The following CFAP77 variants were observed in gnomAD, a reference collection of about 807,000 sequenced individuals.
CFAP77 encodes the protein cilia- and flagella-associated protein 77.
CFAP77 carries 25 observed loss-of-function variants against 31.1 expected under a neutral mutation model. That is an observed-to-expected ratio of 0.80 (90% CI 0.59 to 1.12). The LOEUF is 1.12. Among genes scored for constraint, CFAP77 ranks in the 50% most tolerant of loss-of-function variants. CFAP77 has a pLI of 0.00. For missense variants in CFAP77, 377 were observed against 397.3 expected, an observed-to-expected ratio of 0.95 and a Z score of 0.44; for synonymous variants, 151 against 159.9, an observed-to-expected ratio of 0.94 and a Z score of 0.42.
chr9:132,475,201 T>C (rs1305983314), intron 1 of CFAP77, among the ~76,000 whole-genome samples: 1 of 152,198 alleles, frequency 6.6e-6, no homozygotes, highest in Non-Finnish European at 1.5e-5. Flanking sequence ...TTCCAGCAAA[T>C]GTGAGGCCCT....
intron 1 of CFAP77, among the ~76,000 whole-genome samples, chr9:132,491,856 TG>T (rs1360086203): frequency 2.0e-5 from 3 of 152,240 alleles, no homozygotes; most frequent in Non-Finnish European, 4.4e-5. Flanking sequence ...TATTAGCTTA[TG>T]GGAAAATTGG....
rs1268010117 is a variant in CFAP77 at position 132,494,559 on chromosome 9, G to A, written c.196-4136G>A. On this transcript the variant is annotated intron_variant, in intron 1 of 5. Coordinates refer to ENST00000393216, the MANE Select transcript of CFAP77 (RefSeq NM_001282957.2). ...AGCTGCTATGTGCATCCTTAGACAT[G>A]TTCTTGGGTGGATGTACACATTCAT... Among the ~76,000 whole-genome samples, 3 of 152,210 alleles carry A rather than the reference G, an allele frequency of 2.0e-5. No individual in the cohort carries two copies. In the East Asian group the frequency reaches 5.8e-4, roughly 29 times the overall value.
At chr9:132,418,466 A>G (rs7041015) in intron 1 of CFAP77, among the ~76,000 whole-genome samples, 90,909 of 152,164 alleles carry the variant, frequency 0.6, 32,576 homozygotes, top group Non-Finnish European at 0.8. Flanking sequence ...CTTGTAACCT[A>G]ATGCAAAGAC....
At chr9:132,425,625 A>G (rs1173733777) in intron 1 of CFAP77, among the ~76,000 whole-genome samples, 3 of 152,018 alleles carry the variant, frequency 2.0e-5, no homozygotes, top group African/African-American at 7.3e-5. Flanking sequence ...TCTTGTCACT[A>G]ACTAGGCGCC....
rs532184649 is a variant in CFAP77 at position 132,501,357 on chromosome 9, T to C, written c.524+1757T>C. On this transcript the variant is annotated intron_variant, in intron 3 of 5. Coordinates refer to ENST00000393216, the MANE Select transcript of CFAP77 (RefSeq NM_001282957.2). The surrounding 1 kb of genome is among the most constrained non-coding windows in gnomAD (Gnocchi z 4.6). Reference sequence around the variant, plus strand: ...AAGGGCGTTGGTGCTACAGACACCTTGAGTTCAAGACTCTTTGGGCCAGCT... The same window carrying C: ...AAGGGCGTTGGTGCTACAGACACCTCGAGTTCAAGACTCTTTGGGCCAGCT... Among the ~76,000 whole-genome samples the C allele has an allele frequency of 2.6e-5, 4 of 152,212 alleles. No individual in the cohort carries two copies. Among genetic ancestry groups the C allele is most frequent in the Admixed American group, 2.0e-4 (3 of 15,288 alleles).
intron 1 of CFAP77, among the ~76,000 whole-genome samples, chr9:132,489,865 G>A (rs538807148): frequency 1.3e-5 from 2 of 152,260 alleles, no homozygotes; most frequent in South Asian, 2.1e-4. Flanking sequence ...ATTTGGGACC[G>A]AGTCTCGTCA....
chr9:132,438,537 A>ATT, intron 1 of CFAP77, among the ~76,000 whole-genome samples: 1 of 116,208 alleles, frequency 8.6e-6, no homozygotes, highest in Non-Finnish European at 1.7e-5. Flanking sequence ...ATATATATAT[A>ATT]TATATTTTTT....
intron 5 of CFAP77, among the ~76,000 whole-genome samples, chr9:132,555,715 C>T (rs889583288): frequency 6.6e-6 from 1 of 152,128 alleles, no homozygotes; most frequent in African/African-American, 2.4e-5. Context: ...AGGAAGGGAT[C>T]AGCTGACGTG....
intron 4 of CFAP77, among the ~76,000 whole-genome samples, chr9:132,540,800 TC>T (rs1173191723): frequency 3.9e-5 from 6 of 152,256 alleles, no homozygotes; most frequent in Non-Finnish European, 7.4e-5. Context: ...GGGGCACCTC[TC>T]GAATGAGGGT....
At chr9:132,432,319 G>T (rs1850424688) in intron 1 of CFAP77, among the ~76,000 whole-genome samples, 1 of 152,126 alleles carries the variant, frequency 6.6e-6, no homozygotes, top group Non-Finnish European at 1.5e-5. Flanking sequence ...AGCAAGATGT[G>T]AACAGAGTCT....
chr9:132,545,520 AG>A lies in CFAP77; in HGVS notation c.732+2474del, dbSNP rs1290559020. On this transcript the variant is annotated intron_variant, in intron 5 of 5. Coordinates refer to ENST00000393216, the MANE Select transcript of CFAP77 (RefSeq NM_001282957.2). This position sits in a 1 kb window ranked among gnomAD's most constrained non-coding sequence, Gnocchi z 4.6. ...CCGAGGGTATTCGCAGGATGCTGGG[AG>A]TTAAAGCTGCAGGCTGTCTCCCTAT... 6.6e-6 allele frequency among the ~76,000 whole-genome samples: 1 copy of A among 152,190 alleles called. No homozygotes were observed. Among genetic ancestry groups the A allele is most frequent in the Non-Finnish European group, 1.5e-5 (1 of 68,028 alleles).
intron 3 of CFAP77, among the ~76,000 whole-genome samples, chr9:132,502,283 A>C: frequency 2.1e-5 from 2 of 95,546 alleles, no homozygotes; most frequent in African/African-American, 7.7e-5. Context: ...TTTTTGGGGG[A>C]GGGGGGTGGT....
At chr9:132,502,464 C>T (rs560651809) in intron 3 of CFAP77, among the ~76,000 whole-genome samples, 3 of 151,912 alleles carry the variant, frequency 2.0e-5, no homozygotes, top group African/African-American at 7.3e-5. Context: ...CATCCCAAAC[C>T]GAAACTCTTT....
chr9:132,465,358 A>G (rs565789747), intron 1 of CFAP77, among the ~76,000 whole-genome samples: 24 of 152,338 alleles, frequency 1.6e-4, no homozygotes, highest in Admixed American at 5.2e-4. Flanking sequence ...GCAAAAAAAC[A>G]AAAATAAAAA....
chr9:132,454,529 A>C (rs1000010499), intron 1 of CFAP77, among the ~76,000 whole-genome samples: 13 of 152,214 alleles, frequency 8.5e-5, no homozygotes, highest in African/African-American at 3.1e-4. Context: ...TGAAATCGGC[A>C]TCTCTGATAT....
intron 3 of CFAP77, among the ~76,000 whole-genome samples, chr9:132,502,346 C>T (rs1851864226): frequency 6.6e-6 from 1 of 150,752 alleles, no homozygotes; most frequent in Admixed American, 6.6e-5. Context: ...GTAAAATATA[C>T]AGAAGATTTA....
intron 1 of CFAP77, among the ~76,000 whole-genome samples, chr9:132,429,728 T>C (rs972488262): frequency 4.8e-5 from 7 of 146,618 alleles, no homozygotes; most frequent in Middle Eastern, 3.3e-3. Context: ...TGGTCGCGGG[T>C]GCCTGTAGTC....
chr9:132,542,670 C>T (rs1436528021), intron 4 of CFAP77, among the ~76,000 whole-genome samples: 3 of 152,236 alleles, frequency 2.0e-5, no homozygotes, highest in Non-Finnish European at 2.9e-5. Flanking sequence ...CTGAGGGTGG[C>T]TGCACGCTGG....
At chr9:132,412,880 T>G (rs1850033079) in intron 1 of CFAP77, among the ~76,000 whole-genome samples, 1 of 152,200 alleles carries the variant, frequency 6.6e-6, no homozygotes, top group Non-Finnish European at 1.5e-5. Context: ...GGCTTGTGGA[T>G]TTCTTCATTG....
Sources: allele counts gnomAD v4.1 joint callset (sites outside exome capture counted in the v4.1 genomes callset), GRCh38; gene constraint gnomAD v4.1.1; non-coding constraint Gnocchi (gnomAD v3.1); transcripts MANE v1.5; gene names NCBI Gene and HGNC (gene_info 2026-07-23, HGNC 2026-07-21).